RIMS2: variants seen among roughly 807,000 people sequenced by gnomAD.
RIMS2 encodes the protein regulating synaptic membrane exocytosis 2.
In RIMS2, 59 loss-of-function variants were observed where a neutral mutation model predicts 174.4. The ratio of observed to expected loss-of-function variants is 0.34; its 90% CI spans 0.27 to 0.42. The LOEUF (loss-of-function observed/expected upper bound fraction) is 0.42. Ranked by LOEUF, RIMS2 falls within the 10% of genes least tolerant of loss-of-function variation. The pLI is 1.00. For missense variants in RIMS2, 1,620 were observed against 1,666.3 expected, an observed-to-expected ratio of 0.97 and a Z score of 0.48; for synonymous variants, 606 against 572.5, an observed-to-expected ratio of 1.06 and a Z score of -0.84.
intron 19 of RIMS2, among the ~76,000 whole-genome samples, chr8:104,188,982 C>T (rs1035299483): frequency 6.6e-6 from 1 of 151,892 alleles, no homozygotes; most frequent in Non-Finnish European, 1.5e-5. Flanking sequence ...ACAAATTGTT[C>T]ATCCTTCCAT....
intron 1 of RIMS2, among the ~76,000 whole-genome samples, chr8:103,662,216 A>G (rs1169275845): frequency 6.6e-6 from 1 of 152,200 alleles, no homozygotes; most frequent in East Asian, 1.9e-4. Flanking sequence ...GACAAGCTTC[A>G]TATAGACAGA....
intron 19 of RIMS2, among the ~76,000 whole-genome samples, chr8:104,116,417 T>A (rs1301365444): frequency 6.6e-6 from 1 of 152,204 alleles, no homozygotes; most frequent in Non-Finnish European, 1.5e-5. Flanking sequence ...TTGCCCCATG[T>A]GGAAATTATG....
chr8:103,719,023 T>C (rs1294164114), intron 2 of RIMS2, among the ~76,000 whole-genome samples: 2 of 152,160 alleles, frequency 1.3e-5, no homozygotes, highest in East Asian at 3.9e-4. Flanking sequence ...AAAATATTCT[T>C]AGCTTTCCTC....
At chr8:104,025,806 T>C (rs1175429003) in intron 19 of RIMS2, among the ~76,000 whole-genome samples, 4 of 152,080 alleles carry the variant, frequency 2.6e-5, no homozygotes, top group African/African-American at 9.7e-5. Flanking sequence ...AATATTATCA[T>C]ACTGTGCTTT....
rs1390010240 is a variant in RIMS2 at position 104,041,462 on chromosome 8, A to G, written c.3334+26847A>G. On this transcript the variant is annotated intron_variant, in intron 19 of 23. Coordinates refer to ENST00000504942, the Ensembl canonical transcript of RIMS2. ...TTTCATAGTTTTTCATTCCTTTGTA[A>G]TATAACAAAATATTAAATCTTATGA... 3 of 546,964 alleles carry G rather than the reference A, an allele frequency of 5.5e-6. No individual in the cohort carries two copies. In the Admixed American group the frequency reaches 8.5e-5, roughly 15 times the overall value. The allele number at this position is 546,964 out of a possible 1,614,324, so 33.9% of individuals were successfully genotyped here.
At chr8:103,951,231 G>T (rs1041105237) in intron 14 of RIMS2, among the ~76,000 whole-genome samples, 1 of 152,170 alleles carries the variant, frequency 6.6e-6, no homozygotes, top group African/African-American at 2.4e-5. Flanking sequence ...AAAATAATGA[G>T]AGCCACCTAT....
intron 19 of RIMS2, among the ~76,000 whole-genome samples, chr8:104,192,380 AAAAG>A (rs1295621711): frequency 6.6e-6 from 1 of 152,010 alleles, no homozygotes; most frequent in African/African-American, 2.4e-5. Context: ...TCCATTAAAA[AAAAG>A]CATAACAATC....
intron 19 of RIMS2, among the ~76,000 whole-genome samples, chr8:104,173,753 C>G (rs1188331832): frequency 6.7e-6 from 1 of 148,864 alleles, no homozygotes; most frequent in Non-Finnish European, 1.5e-5. Context: ...TTCAGCCTCC[C>G]GAGTAGCTGG....
intron 1 of RIMS2, among the ~76,000 whole-genome samples, chr8:103,596,933 A>G (rs903288131): frequency 2.0e-5 from 3 of 152,122 alleles, no homozygotes; most frequent in Admixed American, 1.3e-4. Flanking sequence ...AAAAGAAGAT[A>G]GTTTCCCCAC....
intron 19 of RIMS2, among the ~76,000 whole-genome samples, chr8:104,237,295 G>A (rs1310115307): frequency 6.6e-6 from 1 of 152,106 alleles, no homozygotes; most frequent in African/African-American, 2.4e-5. Flanking sequence ...TGTCAGAATA[G>A]GTTAGGTTGT....
chr8:103,963,532 A>T (rs1320140007), intron 15 of RIMS2, among the ~76,000 whole-genome samples: 1 of 152,116 alleles, frequency 6.6e-6, no homozygotes, highest in African/African-American at 2.4e-5. Flanking sequence ...AATATTTTCT[A>T]TGTGTTTTTT....
intron 19 of RIMS2, among the ~76,000 whole-genome samples, chr8:104,217,331 T>C (rs1166235780): frequency 6.6e-6 from 1 of 152,066 alleles, no homozygotes; most frequent in Non-Finnish European, 1.5e-5. Flanking sequence ...TGCAGTGGCA[T>C]GAACATGGCT....
At chr8:103,792,422 G>A (rs752681703) in intron 3 of RIMS2, among the ~76,000 whole-genome samples, 1 of 152,144 alleles carries the variant, frequency 6.6e-6, no homozygotes, top group African/African-American at 2.4e-5. Context: ...ACTTAAAAGA[G>A]TGTGTAGAGG....
chr8:104,198,661 A>G (rs1426988253), intron 19 of RIMS2, among the ~76,000 whole-genome samples: 1 of 152,218 alleles, frequency 6.6e-6, no homozygotes, highest in Non-Finnish European at 1.5e-5. Flanking sequence ...ACAGAGATCC[A>G]GGAGAGCTGA....
chr8:104,228,128 A>G (rs12680968), intron 19 of RIMS2, among the ~76,000 whole-genome samples: 30,610 of 149,526 alleles, frequency 0.2, 3,358 homozygotes, highest in Middle Eastern at 0.26. Flanking sequence ...TCCCAGGTTC[A>G]CACCATTCTC....
intron 1 of RIMS2, among the ~76,000 whole-genome samples, chr8:103,636,137 C>G (rs997132371): frequency 3.3e-5 from 5 of 152,162 alleles, no homozygotes; most frequent in African/African-American, 1.2e-4. Flanking sequence ...TGCCTGGGAG[C>G]TCCTTCTTAG....
intron 12 of RIMS2, among the ~76,000 whole-genome samples, chr8:103,933,191 G>T (rs930347605): frequency 2.6e-5 from 4 of 151,952 alleles, no homozygotes; most frequent in African/African-American, 9.7e-5. Flanking sequence ...TACTCGGGAG[G>T]CTGAGGCAGG....
At chr8:103,789,916 A>G (rs1049635229) in intron 3 of RIMS2, among the ~76,000 whole-genome samples, 4 of 151,732 alleles carry the variant, frequency 2.6e-5, no homozygotes, top group Admixed American at 6.6e-5. Context: ...CCATGTCCAG[A>G]TATTTTTTTC....
intron 17 of RIMS2, among the ~76,000 whole-genome samples, chr8:103,999,230 A>G (rs77609030): frequency 6.6e-6 from 1 of 151,918 alleles, no homozygotes; most frequent in East Asian, 1.9e-4. Flanking sequence ...ATTGATTAAA[A>G]ACTAAAGAGT....
Sources: allele counts gnomAD v4.1 joint callset (sites outside exome capture counted in the v4.1 genomes callset), GRCh38; gene constraint gnomAD v4.1.1; transcripts MANE v1.5; gene names NCBI Gene and HGNC (gene_info 2026-07-23, HGNC 2026-07-21).